The following RTL4 variants were observed in gnomAD, a reference collection of about 807,000 sequenced individuals.
The protein encoded by RTL4 is retrotransposon Gag like 4.
RTL4 carries 4 observed loss-of-function variants against 5.3 expected under a neutral mutation model. The observed-to-expected ratio is 0.75, with a 90% confidence interval of 0.37 to 1.72. RTL4 has a LOEUF of 1.72. Among genes scored for constraint, RTL4 ranks in the 40% most tolerant of loss-of-function variants. RTL4 has a pLI of 0.04. For synonymous variants in RTL4, 98 were observed against 87.3 expected, an observed-to-expected ratio of 1.12 and a Z score of -0.68; for missense variants, 260 against 227.1, an observed-to-expected ratio of 1.14 and a Z score of -0.93.
the RTL4 span, among the ~76,000 whole-genome samples, chrX:112,342,133 C>T: frequency 9.0e-6 from 1 of 111,452 alleles, no homozygotes; most frequent in East Asian, 2.8e-4. Context: ...CAAATCACCT[C>T]GTGTTGGCAG....
chrX:112,384,072 T>C, the RTL4 span, among the ~76,000 whole-genome samples: 2 of 112,258 alleles, frequency 1.8e-5, no homozygotes, highest in South Asian at 3.7e-4. Flanking sequence ...TACCTAGAAG[T>C]GGGGTTTCTG....
chrX:112,203,975 G>A, the RTL4 span, among the ~76,000 whole-genome samples: 4 of 112,283 alleles, frequency 3.6e-5, no homozygotes, highest in Non-Finnish European at 7.5e-5. Context: ...TATACATGTT[G>A]TTATGTCTAC....
chrX:112,429,608 A>T, the RTL4 span, among the ~76,000 whole-genome samples: 1 of 111,341 alleles, frequency 9.0e-6, no homozygotes, highest in Non-Finnish European at 1.9e-5. Context: ...AAAAATAAAA[A>T]TTTTTATTTC....
chrX:112,332,197 G>A, the RTL4 span, among the ~76,000 whole-genome samples: 2 of 110,195 alleles, frequency 1.8e-5, no homozygotes, highest in African/African-American at 3.3e-5. Context: ...TGCTGAAGAG[G>A]ATGTGGAGAA....
the RTL4 span, among the ~76,000 whole-genome samples, chrX:112,384,146 A>G: frequency 8.9e-6 from 1 of 111,917 alleles, no homozygotes; most frequent in African/African-American, 3.2e-5. Flanking sequence ...AGTGGCTGAA[A>G]TATTTTACAT....
the RTL4 span, among the ~76,000 whole-genome samples, chrX:112,118,716 T>A: frequency 9.0e-6 from 1 of 111,695 alleles, no homozygotes; most frequent in African/African-American, 3.3e-5. Flanking sequence ...TATGCACATA[T>A]TTATGAGTAT....
chrX:112,380,957 G>T, the RTL4 span, among the ~76,000 whole-genome samples: 1 of 111,563 alleles, frequency 9.0e-6, no homozygotes, highest in Non-Finnish European at 1.9e-5. Flanking sequence ...GTCATTTTGA[G>T]CCCACAGAGA....
chrX:112,375,962 C>T, the RTL4 span, among the ~76,000 whole-genome samples: 1 of 111,410 alleles, frequency 9.0e-6, no homozygotes, highest in South Asian at 3.8e-4. Context: ...CAAGAGAAAT[C>T]GCAGATGGAT....
chrX:112,310,907 G>T, the RTL4 span, among the ~76,000 whole-genome samples: 1 of 95,285 alleles, frequency 1.0e-5, no homozygotes, highest in Non-Finnish European at 2.0e-5. Context: ...TTATATATAT[G>T]TATATATAAA....
At chrX:112,274,710 T>G in the RTL4 span, among the ~76,000 whole-genome samples, 8 of 111,733 alleles carry the variant, frequency 7.2e-5, no homozygotes, top group Admixed American at 9.5e-5. Flanking sequence ...TTGACAGTAC[T>G]TGGTTAGGGT....
chrX:112,212,180 T>C, the RTL4 span, among the ~76,000 whole-genome samples: 1 of 111,337 alleles, frequency 9.0e-6, no homozygotes, highest in Non-Finnish European at 1.9e-5. Context: ...ATCAAGACCA[T>C]CCTGGCGAAC....
chrX:112,246,306 C>T, the RTL4 span, among the ~76,000 whole-genome samples: 1 of 112,097 alleles, frequency 8.9e-6, no homozygotes, highest in African/African-American at 3.2e-5. Context: ...TTTTGTTCAG[C>T]TCTGCCCTGC....
At chrX:112,377,419 T>G in the RTL4 span, among the ~76,000 whole-genome samples, 1 of 112,179 alleles carries the variant, frequency 8.9e-6, no homozygotes, top group Non-Finnish European at 1.9e-5. Flanking sequence ...TACTTTAGAC[T>G]ATCAGTTGTA....
At chrX:112,324,881 G>A in the RTL4 span, among the ~76,000 whole-genome samples, 9 of 111,434 alleles carry the variant, frequency 8.1e-5, no homozygotes, top group Non-Finnish European at 1.5e-4. Flanking sequence ...TTATAGTGTT[G>A]CCTAAATATT....
chrX:112,250,309 T>C, the RTL4 span, among the ~76,000 whole-genome samples: 1 of 111,156 alleles, frequency 9.0e-6, no homozygotes, highest in African/African-American at 3.3e-5. Context: ...AAAAGAAAAT[T>C]GGATAACAGA....
the RTL4 span, among the ~76,000 whole-genome samples, chrX:112,329,771 G>C: frequency 1.8e-5 from 2 of 110,990 alleles, no homozygotes; most frequent in Non-Finnish European, 3.8e-5. Context: ...TAAAATACTG[G>C]CAAACCGAAT....
At chrX:112,128,573 C>G in the RTL4 span, among the ~76,000 whole-genome samples, 1 of 104,957 alleles carries the variant, frequency 9.5e-6, no homozygotes, top group Non-Finnish European at 2.0e-5. Context: ...GCAGGAGACT[C>G]GCTTGAACCC....
At chrX:112,208,180 A>C in the RTL4 span, among the ~76,000 whole-genome samples, 2 of 111,649 alleles carry the variant, frequency 1.8e-5, no homozygotes, top group Non-Finnish European at 3.8e-5. Context: ...TTCAGTGGAG[A>C]AGGTTGGCCA....
the RTL4 span, among the ~76,000 whole-genome samples, chrX:112,109,455 C>T: frequency 9.0e-6 from 1 of 111,268 alleles, no homozygotes; most frequent in African/African-American, 3.3e-5. Context: ...GCTTTTATTC[C>T]CTTATTTGTC....
Sources: gnomAD v4.1 joint callset for allele counts (sites outside exome capture counted in the v4.1 genomes callset) on GRCh38, gnomAD v4.1.1 for gene constraint, MANE v1.5 for transcripts, NCBI Gene and HGNC (gene_info 2026-07-23, HGNC 2026-07-21) for gene names.